RBFOX1: variants seen among roughly 807,000 people sequenced by gnomAD.
RBFOX1 encodes the protein RNA binding protein fox-1 homolog 1.
Under a neutral mutation model 57.7 loss-of-function variants are expected in RBFOX1, and 8 were observed. The observed-to-expected ratio is 0.14, with a 90% CI of 0.08 to 0.25. RBFOX1 has a LOEUF of 0.25. Among genes scored for constraint, RBFOX1 ranks in the 10% least tolerant of loss-of-function variants. The probability of loss-of-function intolerance (pLI) is 1.00; values close to 1 mark genes in which losing one functional copy is unlikely to be tolerated. For synonymous variants in RBFOX1, 326 were observed against 222.4 expected, an observed-to-expected ratio of 1.47 and a Z score of -4.15; for missense variants, 611 against 548.5, an observed-to-expected ratio of 1.11 and a Z score of -1.14.
chr16:5,301,592 C>G (rs543333706), intron 1 of RBFOX1, among the ~76,000 whole-genome samples: 2 of 126,684 alleles, frequency 1.6e-5, no homozygotes, highest in South Asian at 5.8e-4. Flanking sequence ...GCACTCCAGC[C>G]TGGGTGACAC....
At chr16:6,600,602 C>G (rs975208230) in intron 2 of RBFOX1, among the ~76,000 whole-genome samples, 5 of 152,136 alleles carry the variant, frequency 3.3e-5, no homozygotes, top group Non-Finnish European at 7.3e-5. Flanking sequence ...ACAAACCTGC[C>G]ATCATTTCTG....
At chr16:7,547,145 C>T (rs574775303) in intron 5 of RBFOX1, among the ~76,000 whole-genome samples, 1 of 152,202 alleles carries the variant, frequency 6.6e-6, no homozygotes, top group Admixed American at 6.5e-5. Flanking sequence ...GGCTAACGCA[C>T]AGCCCTGCAT....
intron 4 of RBFOX1, among the ~76,000 whole-genome samples, chr16:7,141,841 T>C (rs1382877836): frequency 1.3e-5 from 2 of 152,170 alleles, no homozygotes; most frequent in African/African-American, 4.8e-5. Context: ...GACACCATGC[T>C]ACTGCTCTTG....
chr16:7,666,404 G>C (rs184979960), intron 13 of RBFOX1, among the ~76,000 whole-genome samples: 33 of 151,490 alleles, frequency 2.2e-4, no homozygotes, highest in Non-Finnish European at 3.8e-4. Context: ...AAAAAATGCA[G>C]ATTTTCCTGA....
At chr16:5,470,415 G>C (rs1441270343) in intron 2 of RBFOX1, among the ~76,000 whole-genome samples, 1 of 152,184 alleles carries the variant, frequency 6.6e-6, no homozygotes, top group Non-Finnish European at 1.5e-5. Context: ...TGCAGTTTCT[G>C]GGTCATTTGA....
chr16:6,931,145 C>T (rs1440296169), intron 3 of RBFOX1, among the ~76,000 whole-genome samples: 1 of 151,834 alleles, frequency 6.6e-6, no homozygotes, highest in African/African-American at 2.4e-5. Context: ...AAGAAAAATT[C>T]AGAACACATT....
At chr16:5,869,191 C>T (rs1281365220) in intron 4 of RBFOX1, among the ~76,000 whole-genome samples, 1 of 151,926 alleles carries the variant, frequency 6.6e-6, no homozygotes, top group African/African-American at 2.4e-5. Context: ...ATTAGTTCTG[C>T]CAGTCATGAA....
intron 2 of RBFOX1, among the ~76,000 whole-genome samples, chr16:6,584,012 AAG>A (rs1491163579): frequency 1.9e-4 from 28 of 150,732 alleles, no homozygotes; most frequent in Non-Finnish European, 4.0e-4. Context: ...AAAAAAAAAA[AAG>A]AAACTCAAAA....
chr16:7,110,965 C>T (rs1029789184), intron 4 of RBFOX1, among the ~76,000 whole-genome samples: 1 of 152,092 alleles, frequency 6.6e-6, no homozygotes, highest in Non-Finnish European at 1.5e-5. Context: ...AATTGTGTAT[C>T]GTACAGTATT....
chr16:7,066,965 C>G lies in RBFOX1; in HGVS notation c.27+14867C>G, dbSNP rs561333147. ...TACCAAACTGTAGAATTTTTCATTC[C>G]AAAGACACATGGAAATGCCTCTTTA... On this transcript the variant is annotated intron_variant, in intron 4 of 15. Transcript: ENST00000550418. 5.2e-4 allele frequency among the ~76,000 whole-genome samples: 79 copies of G among 152,250 alleles called. 3 individuals are homozygous for G. In the South Asian group the frequency reaches 0.016, roughly 31 times the overall value.
At chr16:7,595,733 A>G (rs1376242874) in intron 8 of RBFOX1, 92 bp downstream of exon 8, 9 of 851,190 alleles carry the variant, frequency 1.1e-5, no homozygotes, top group Non-Finnish European at 1.5e-5. Flanking sequence ...GGCGTCTTGT[A>G]TGTGACCCTA....
At chr16:6,132,572 TG>T (rs1218976912) in intron 1 of RBFOX1, among the ~76,000 whole-genome samples, 3 of 152,146 alleles carry the variant, frequency 2.0e-5, no homozygotes, top group Admixed American at 1.3e-4. Context: ...AGTTACTCAC[TG>T]GGGAACATAG....
At chr16:5,815,549 T>C (rs2055603710) in intron 3 of RBFOX1, among the ~76,000 whole-genome samples, 1 of 151,992 alleles carries the variant, frequency 6.6e-6, no homozygotes, top group South Asian at 2.1e-4. Context: ...ACTCAGAAAG[T>C]CCATCTCCTT....
chr16:7,161,598 A>G (rs1286209920), intron 4 of RBFOX1, among the ~76,000 whole-genome samples: 2 of 152,172 alleles, frequency 1.3e-5, no homozygotes, highest in Admixed American at 6.5e-5. Flanking sequence ...AATCAGATTT[A>G]ATGTTTGAAT....
intron 4 of RBFOX1, among the ~76,000 whole-genome samples, chr16:5,937,814 A>G (rs977995549): frequency 6.7e-6 from 1 of 150,160 alleles, no homozygotes; most frequent in Non-Finnish European, 1.5e-5. Context: ...AATTATACAA[A>G]TATATGTTCA....
Position 7,677,961 on chromosome 16 carries a change from G to C in RBFOX1, c.995+1123G>C, listed in dbSNP as rs748647857. Among the ~76,000 whole-genome samples, 3 of 152,156 alleles carry C rather than the reference G, an allele frequency of 2.0e-5. No homozygotes were observed. In the East Asian group the frequency reaches 5.8e-4, roughly 29 times the overall value. Reference sequence around the variant, plus strand: ...TGCAGTTCCATTCCATTTCTCACGAGACGTGGTGTTAGCTAATTGTAGCTA... The same window carrying C: ...TGCAGTTCCATTCCATTTCTCACGACACGTGGTGTTAGCTAATTGTAGCTA... On this transcript the variant is annotated intron_variant, in intron 14 of 15. Coordinates refer to ENST00000550418, the MANE Select transcript of RBFOX1 (RefSeq NM_018723.4).
chr16:6,871,777 G>T (rs1202866647), intron 3 of RBFOX1, among the ~76,000 whole-genome samples: 2 of 152,028 alleles, frequency 1.3e-5, no homozygotes, highest in African/African-American at 2.4e-5. Flanking sequence ...TCTACCTTCC[G>T]CTGATTTTAG....
chr16:6,385,863 T>C (rs2092233302), intron 2 of RBFOX1, among the ~76,000 whole-genome samples: 1 of 152,024 alleles, frequency 6.6e-6, no homozygotes, highest in Non-Finnish European at 1.5e-5. Context: ...AGTGTGCCAA[T>C]GAGATCTTTG....
intron 4 of RBFOX1, among the ~76,000 whole-genome samples, chr16:7,216,811 A>C (rs7204741): frequency 2.6e-5 from 4 of 152,056 alleles, no homozygotes; most frequent in African/African-American, 9.7e-5. Flanking sequence ...CCTGGTAGTT[A>C]CTGTTTTTTC....
Sources: gnomAD v4.1 joint callset for allele counts (sites outside exome capture counted in the v4.1 genomes callset) on GRCh38, gnomAD v4.1.1 for gene constraint, MANE v1.5 for transcripts, NCBI Gene and HGNC (gene_info 2026-07-23, HGNC 2026-07-21) for gene names.